The following PPP6R2 variants were observed in gnomAD, a reference collection of about 807,000 sequenced individuals.
PPP6R2 encodes the protein protein phosphatase 6 regulatory subunit 2.
PPP6R2 carries 62 observed loss-of-function variants against 100.2 expected under a neutral mutation model. That is an observed-to-expected ratio of 0.62 (90% confidence interval 0.50 to 0.76). The LOEUF is 0.76. Among genes scored for constraint, PPP6R2 ranks in the 30% least tolerant of loss-of-function variants. The pLI is 0.00. For synonymous variants in PPP6R2, 525 were observed against 514.7 expected, an observed-to-expected ratio of 1.02 and a Z score of -0.27; for missense variants, 1,142 against 1,276.3, an observed-to-expected ratio of 0.89 and a Z score of 1.60.
In PPP6R2 at chr22:50,415,523, C is replaced by T. The variant is rs77634136; in HGVS notation, c.553-569C>T. Among the ~76,000 whole-genome samples, 1,003 of 152,346 alleles carry T rather than the reference C, an allele frequency of 6.6e-3. 4 individuals are homozygous for T. The highest frequency in any genetic ancestry group is 0.027 in the South Asian group (128 of 4,828). The stretch of plus-strand genomic sequence containing the variant: ...TAGCTGCTTTACTTGATTCACTTCA[C>T]GAAGTAGCCACGGGGGGACAGCTCA... On this transcript the variant is annotated intron_variant, in intron 5 of 23. Coordinates refer to ENST00000612753, the MANE Select transcript of PPP6R2 (RefSeq NM_001242898.2).
chr22:50,420,876 C>T (rs952228343), intron 8 of PPP6R2, among the ~76,000 whole-genome samples: 2 of 152,212 alleles, frequency 1.3e-5, no homozygotes, highest in South Asian at 2.1e-4. Flanking sequence ...TGTCTCAGGA[C>T]GTTTCCGTCG....
intron 2 of PPP6R2, among the ~76,000 whole-genome samples, chr22:50,391,457 T>A (rs866730523): frequency 0.014 from 1,204 of 87,966 alleles, 13 homozygotes; most frequent in South Asian, 0.021. Flanking sequence ...AAAAAAAAAA[T>A]GTAAACATTA....
At chr22:50,440,597 A>G (rs2065352660) in intron 21 of PPP6R2, among the ~76,000 whole-genome samples, 4 of 152,166 alleles carry the variant, frequency 2.6e-5, no homozygotes, top group Non-Finnish European at 5.9e-5. Flanking sequence ...AGACCAGGGC[A>G]TGTGTCCCTG....
Position 50,434,170 on chromosome 22 carries a change from G to A in PPP6R2, c.1401-796G>A, listed in dbSNP as rs1187878522. 1.2e-4 allele frequency among the ~76,000 whole-genome samples: 8 copies of A among 65,548 alleles called. 1 individual carries two copies. Among genetic ancestry groups the A allele is most frequent in the African/African-American group, 4.2e-4 (8 of 19,008 alleles). The allele number at this position is 65,548 out of a possible 152,430, so 43.0% of individuals were successfully genotyped here. On this transcript the variant is annotated intron_variant, in intron 12 of 23. Transcript: ENST00000612753. ...CTGGAGGAGGGCCGGGGGCGCAGAC[G>A]CTGGGCAGGGGCTGGGCATTTGCTC...
At chr22:50,380,888 C>T (rs1273131807) in intron 2 of PPP6R2, among the ~76,000 whole-genome samples, 1 of 150,448 alleles carries the variant, frequency 6.6e-6, no homozygotes, top group Non-Finnish European at 1.5e-5. Flanking sequence ...ATTCGGGAGG[C>T]TGAGGCAGGA....
Position 50,443,906 on chromosome 22 carries a change from C to A in PPP6R2, c.2620C>A (p.Pro874Thr), listed in dbSNP as rs752922708. Residue 874 changes from proline to threonine, a missense_variant, in exon 23 of 24, where the codon CCC becomes ACC. Physicochemically the swap from Pro to Thr is conservative, Grantham distance 38. This residue lies in a region of PPP6R2 where 550 missense variants were observed against 517.4 expected (regional missense o/e 1.06). Transcript: ENST00000612753. The part of the protein sequence containing the change: ...ADSRLLSPAC[P>T]APKEVTAAPA... The stretch of plus-strand genomic sequence containing the variant: ...CAGCCGGCTGTTAAGCCCTGCCTGC[C>A]CCGCGCCAAAGGAAGTGACTGCTGC... 3.1e-6 allele frequency: 5 copies of A among 1,592,384 alleles called. No homozygotes were observed. Among genetic ancestry groups the A allele is most frequent in the Non-Finnish European group, 4.3e-6 (5 of 1,169,616 alleles).
Position 50,396,195 on chromosome 22 carries a change from CAA to C in PPP6R2, c.227+2079_227+2080del, listed in dbSNP as rs528437459. Among the ~76,000 whole-genome samples, 7 of 51,614 alleles carry C rather than the reference CAA, an allele frequency of 1.4e-4. No individual in the cohort carries two copies. In the East Asian group the frequency reaches 1.9e-3, roughly 14 times the overall value. 33.9% of individuals were successfully genotyped at this position (51,614 alleles called of 152,430 possible). On this transcript the variant is annotated intron_variant, in intron 3 of 23. Transcript: ENST00000612753. ...TGGGCAACAGAGCAAGACTCTGGCT[CAA>C]AAAAAAAAAAAAAAAAAAGCCGGGT...
At chr22:50,398,945 T>G (rs2057571289) in intron 3 of PPP6R2, among the ~76,000 whole-genome samples, 1 of 152,192 alleles carries the variant, frequency 6.6e-6, no homozygotes, top group South Asian at 2.1e-4. Context: ...AAAAAACACT[T>G]TTTTTGAGAA....
upstream of PPP6R2, among the ~76,000 whole-genome samples, chr22:50,339,285 T>C (rs2042341084): frequency 8.8e-6 from 1 of 113,728 alleles, no homozygotes; most frequent in Non-Finnish European, 1.8e-5. Context: ...GTAGGGTGTG[T>C]GTTGTGTGTG....
At chr22:50,411,579 C>A (rs2059743637) in intron 4 of PPP6R2, among the ~76,000 whole-genome samples, 1 of 151,762 alleles carries the variant, frequency 6.6e-6, no homozygotes, top group Non-Finnish European at 1.5e-5. Context: ...CATGGTGAAA[C>A]CCTGTCTCTA....
upstream of PPP6R2, among the ~76,000 whole-genome samples, chr22:50,340,553 G>A (rs2042361623): frequency 6.9e-6 from 1 of 145,820 alleles, no homozygotes; most frequent in South Asian, 2.2e-4. Context: ...TGTCGCGTGT[G>A]TGTGGTATGT....
chr22:50,370,979 A>T (rs112112522), intron 1 of PPP6R2, among the ~76,000 whole-genome samples: 2,363 of 152,328 alleles, frequency 0.016, 60 homozygotes, highest in African/African-American at 0.054. Context: ...AGGTCAGGGT[A>T]TTGGGAATCC....
At chr22:50,408,205 G>T (rs2059246419) in intron 4 of PPP6R2, among the ~76,000 whole-genome samples, 1 of 152,128 alleles carries the variant, frequency 6.6e-6, no homozygotes, top group African/African-American at 2.4e-5. Flanking sequence ...CTAAAATAAA[G>T]ACTTTTTTCT....
At chr22:50,340,587 G>GGT (rs1325503574), upstream of PPP6R2, among the ~76,000 whole-genome samples, 1 of 127,414 alleles carries the variant, frequency 7.8e-6, no homozygotes, top group East Asian at 2.1e-4. Context: ...TGTGGTGTGT[G>GGT]GTGTGTGTGT....
chr22:50,366,688 G>A (rs1569302234), intron 1 of PPP6R2, among the ~76,000 whole-genome samples: 1 of 152,190 alleles, frequency 6.6e-6, no homozygotes, highest in Non-Finnish European at 1.5e-5. Flanking sequence ...CTGGAGACTG[G>A]AGTGGGAGGT....
At chr22:50,342,941 G>A (rs1006749758), upstream of PPP6R2, among the ~76,000 whole-genome samples, 21 of 152,178 alleles carry the variant, frequency 1.4e-4, no homozygotes, top group African/African-American at 4.6e-4. Context: ...TGGCAGGAGG[G>A]AGGCCCGGGA....
Position 50,372,055 on chromosome 22 carries a change from A to C in PPP6R2, c.-112A>C, listed in dbSNP as rs1304386483. On this transcript the variant is annotated 5_prime_UTR_variant, in exon 2 of 24. Transcript: ENST00000612753. ...TATAAATCTTCCACTGAATGAAAAA[A>C]ATTTTCTTAAAGCTGCATATACTCC... is the stretch of plus-strand genomic sequence containing the variant. 1 of 152,250 alleles carries C rather than the reference A, an allele frequency of 6.6e-6. No homozygotes were observed. The highest frequency in any genetic ancestry group is 3.4e-3 in the Middle Eastern group (1 of 294). 9.4% of individuals were successfully genotyped at this position (152,250 alleles called of 1,614,324 possible).
Position 50,423,997 on chromosome 22 carries a change from G to A in PPP6R2, c.1125+383G>A, listed in dbSNP as rs2061663654. 2.0e-5 allele frequency among the ~76,000 whole-genome samples: 3 copies of A among 152,368 alleles called. No homozygotes were observed. In the South Asian group the frequency reaches 6.2e-4, roughly 32 times the overall value. On this transcript the variant is annotated intron_variant, in intron 10 of 23. Transcript: ENST00000612753. The surrounding 1 kb of genome is among the most constrained non-coding windows in gnomAD (Gnocchi z 4.8). ...AAAAGAGAAGCTCCTGTCGTCCACA[G>A]TAGAAGGCCAACCTGGCAGTTTTTG...
At chr22:50,409,721 C>T (rs896660719) in intron 4 of PPP6R2, among the ~76,000 whole-genome samples, 12 of 151,886 alleles carry the variant, frequency 7.9e-5, no homozygotes, top group African/African-American at 2.7e-4. Context: ...CCACCGCGCC[C>T]GGCCGACGAT....
Sources: gnomAD v4.1 joint callset for allele counts (sites outside exome capture counted in the v4.1 genomes callset) on GRCh38, gnomAD v4.1.1 for gene constraint, gnomAD v4.1.1 regional missense constraint, Gnocchi (gnomAD v3.1) non-coding constraint, MANE v1.5 for transcripts, NCBI Gene and HGNC (gene_info 2026-07-23, HGNC 2026-07-21) for gene names.